SLC2A13: variants seen among roughly 807,000 people sequenced by gnomAD.
SLC2A13 encodes proton myo-inositol cotransporter.
In SLC2A13, 32 loss-of-function variants were observed where a neutral mutation model predicts 64.4. The ratio of observed to expected loss-of-function variants is 0.50; its 90% CI spans 0.37 to 0.67. The LOEUF (loss-of-function observed/expected upper bound fraction) is 0.67. Ranked by LOEUF, SLC2A13 falls within the 30% of genes least tolerant of loss-of-function variation. The pLI, the probability that SLC2A13 is intolerant of heterozygous loss-of-function variation, is 0.00. For synonymous variants in SLC2A13, 338 were observed against 327.1 expected (o/e 1.03, Z -0.36); for missense variants, 743 against 829.2 (o/e 0.90, Z 1.28).
intron 7 of SLC2A13, among the ~76,000 whole-genome samples, chr12:39,783,786 T>C (rs927427731): frequency 4.6e-5 from 7 of 152,198 alleles, no homozygotes; most frequent in African/African-American, 1.7e-4. Context: ...AGTCAAATGG[T>C]CCCTGTTTGC....
rs7305766 is a variant in SLC2A13, at chr12:40,105,837, G to A, written c.-29C>T. 2.3e-5 allele frequency: 32 copies of A among 1,375,708 alleles called. No homozygotes were observed. Among genetic ancestry groups the A allele is most frequent in the Non-Finnish European group, 2.4e-5 (26 of 1,065,662 alleles). 85.2% of individuals were successfully genotyped at this position (1,375,708 alleles called of 1,614,324 possible). On this transcript the variant is annotated 5_prime_UTR_variant, in exon 1 of 10. Transcript: ENST00000280871. This position sits in a 1 kb window ranked among gnomAD's most constrained non-coding sequence, Gnocchi z 4.2. ...GCAGGGGCCCGGGGCTGCCCGGGGG[G>A]ACGCGGCTCCGCGGGCCGGCAGTCT...
intron 4 of SLC2A13, among the ~76,000 whole-genome samples, chr12:39,903,695 A>C (rs1048340696): frequency 1.3e-5 from 2 of 152,090 alleles, no homozygotes; most frequent in South Asian, 2.1e-4. Context: ...ACCAGCAAAG[A>C]AGCAGCAGGC....
chr12:40,090,132 T>C (rs902702332), intron 1 of SLC2A13, among the ~76,000 whole-genome samples: 1 of 152,192 alleles, frequency 6.6e-6, no homozygotes, highest in South Asian at 2.1e-4. Flanking sequence ...TGCAGAATTT[T>C]CCTAATCTAC....
At chr12:39,882,976 T>C (rs190077649) in intron 4 of SLC2A13, among the ~76,000 whole-genome samples, 24 of 152,316 alleles carry the variant, frequency 1.6e-4, no homozygotes, top group Admixed American at 5.2e-4. Context: ...AGCAGGTTTA[T>C]GAATATTTTT....
chr12:39,972,549 A>T (rs1946682384), intron 3 of SLC2A13, among the ~76,000 whole-genome samples: 1 of 152,154 alleles, frequency 6.6e-6, no homozygotes, highest in Non-Finnish European at 1.5e-5. Context: ...TTGGATGTTG[A>T]TCATACTCTT....
intron 3 of SLC2A13, among the ~76,000 whole-genome samples, chr12:39,980,198 A>G (rs1386245634): frequency 9.2e-5 from 14 of 152,076 alleles, no homozygotes; most frequent in Admixed American, 5.2e-4. Context: ...AGGAACAACC[A>G]GTACCAGCCA....
At chr12:40,038,179 T>G (rs537757065) in intron 2 of SLC2A13, among the ~76,000 whole-genome samples, 1 of 152,300 alleles carries the variant, frequency 6.6e-6, no homozygotes, top group East Asian at 1.9e-4. Flanking sequence ...TTCACAAATT[T>G]TAATATATTG....
chr12:40,013,802 T>C (rs1947573241), intron 3 of SLC2A13, among the ~76,000 whole-genome samples: 1 of 152,184 alleles, frequency 6.6e-6, no homozygotes, highest in African/African-American at 2.4e-5. Flanking sequence ...CCCATTCACT[T>C]CTCACCAGGA....
At chr12:39,830,371 G>A in intron 6 of SLC2A13, 143 bp from the exon 7 acceptor site, 1 of 1,421,240 alleles carries the variant, frequency 7.0e-7, no homozygotes, top group Non-Finnish European at 9.2e-7. Flanking sequence ...CAAGGAAAGT[G>A]ACATGCGCTG....
chr12:39,930,741 T>G (rs2136071422), intron 4 of SLC2A13, among the ~76,000 whole-genome samples: 1 of 152,182 alleles, frequency 6.6e-6, no homozygotes, highest in East Asian at 1.9e-4. Flanking sequence ...AATAAAAACA[T>G]GAATACCCTT....
chr12:40,074,647 CTGACA>C (rs747876463), intron 1 of SLC2A13, among the ~76,000 whole-genome samples: 5 of 152,276 alleles, frequency 3.3e-5, no homozygotes, highest in Middle Eastern at 3.4e-3. Flanking sequence ...TCCAGAACCC[CTGACA>C]TATCTGAGTT....
intron 3 of SLC2A13, among the ~76,000 whole-genome samples, chr12:39,978,295 T>G (rs1419106928): frequency 1.3e-5 from 2 of 152,174 alleles, no homozygotes; most frequent in Non-Finnish European, 2.9e-5. Flanking sequence ...ACACTATCTC[T>G]TTAACAAAGT....
intron 4 of SLC2A13, among the ~76,000 whole-genome samples, chr12:39,875,216 C>T (rs1416711940): frequency 2.0e-5 from 3 of 152,162 alleles, no homozygotes; most frequent in African/African-American, 7.2e-5. Flanking sequence ...GAGCTCTGTC[C>T]CTTCCTGGAA....
intron 7 of SLC2A13, among the ~76,000 whole-genome samples, chr12:39,777,198 G>A (rs1278827957): frequency 2.0e-5 from 3 of 152,134 alleles, no homozygotes; most frequent in Non-Finnish European, 4.4e-5. Context: ...GCCATAATGA[G>A]CCAATCATAT....
At chr12:40,038,599 C>T (rs1179856039) in intron 2 of SLC2A13, among the ~76,000 whole-genome samples, 1 of 151,786 alleles carries the variant, frequency 6.6e-6, no homozygotes, top group Non-Finnish European at 1.5e-5. Flanking sequence ...GGCATGGTGG[C>T]ATGTACTTCT....
At chr12:40,013,262 T>C (rs1215810044) in intron 3 of SLC2A13, among the ~76,000 whole-genome samples, 1 of 152,030 alleles carries the variant, frequency 6.6e-6, no homozygotes, top group Non-Finnish European at 1.5e-5. Context: ...GAGAAAGGGA[T>C]GGATTATGCT....
chr12:39,799,930 T>C (rs894756460), intron 7 of SLC2A13, among the ~76,000 whole-genome samples: 1 of 152,170 alleles, frequency 6.6e-6, no homozygotes, highest in African/African-American at 2.4e-5. Context: ...TCAGAATCCT[T>C]AGAGTAAGAA....
intron 4 of SLC2A13, among the ~76,000 whole-genome samples, chr12:39,903,313 T>A (rs1940464928): frequency 6.6e-6 from 1 of 152,118 alleles, no homozygotes; most frequent in African/African-American, 2.4e-5. Context: ...ATCTGACAGA[T>A]TAGCTATTTC....
intron 1 of SLC2A13, among the ~76,000 whole-genome samples, chr12:40,057,666 C>T (rs1292359477): frequency 6.6e-6 from 1 of 152,080 alleles, no homozygotes; most frequent in Non-Finnish European, 1.5e-5. Flanking sequence ...TTCTTGACCT[C>T]TCTGATATCA....
Sources: gnomAD v4.1 joint callset for allele counts (sites outside exome capture counted in the v4.1 genomes callset) on GRCh38, gnomAD v4.1.1 for gene constraint, Gnocchi (gnomAD v3.1) non-coding constraint, MANE v1.5 for transcripts, NCBI Gene and HGNC (gene_info 2026-07-23, HGNC 2026-07-21) for gene names.